The following INPP5F variants were observed in gnomAD, a reference collection of about 807,000 sequenced individuals.
The protein encoded by INPP5F is inositol polyphosphate-5-phosphatase F, also known as phosphatidylinositide 4-phosphatase SAC2.
Under a neutral mutation model 137.2 loss-of-function variants are expected in INPP5F, and 97 were observed. The observed-to-expected ratio is 0.71, with a 90% confidence interval of 0.60 to 0.84. INPP5F has a LOEUF of 0.84. Ranked by LOEUF, INPP5F falls within the 40% of genes least tolerant of loss-of-function variation. INPP5F has a pLI of 0.00. For synonymous variants in INPP5F, 504 were observed against 476.9 expected, an observed-to-expected ratio of 1.06 and a Z score of -0.74; for missense variants, 1,271 against 1,371.9, an observed-to-expected ratio of 0.93 and a Z score of 1.16.
At chr10:119,743,289 CTATCCATTTGGG>C (rs367856195) in intron 1 of INPP5F, among the ~76,000 whole-genome samples, 26 of 152,226 alleles carry the variant, frequency 1.7e-4, no homozygotes, top group African/African-American at 6.3e-4. Context: ...ATATGTTTAC[CTATCCATTTGGG>C]AGCCTTCTGT....
At chr10:119,768,831 A>G (rs1268107935) in intron 2 of INPP5F, among the ~76,000 whole-genome samples, 6 of 152,272 alleles carry the variant, frequency 3.9e-5, no homozygotes, top group Non-Finnish European at 8.8e-5. Flanking sequence ...TTATAGAGAT[A>G]AACTGGAAAG....
At chr10:119,811,682 C>A in intron 14 of INPP5F, 75 bp from the exon 15 acceptor site, 3 of 1,202,014 alleles carry the variant, frequency 2.5e-6, no homozygotes, top group Admixed American at 2.1e-5. Context: ...AGTTTTAGGT[C>A]TTACATTCTC....
At position 119,793,837 on chromosome 10, in the gene INPP5F, G is replaced by T. The variant is rs1307132252; in HGVS notation, c.669+1624G>T. Among the ~76,000 whole-genome samples the T allele has an allele frequency of 2.0e-5, 3 of 152,000 alleles. No individual in the cohort carries two copies. The South Asian group carries it at 6.2e-4, about 32-fold the overall frequency. ...TTTTTGTATTTTTAGTAGAGACGGG[G>T]TTTCACCATGTTGGCCAGGCTGGTC... On this transcript the variant is annotated intron_variant, in intron 6 of 19. Transcript: ENST00000650623.
chr10:119,728,465 C>T (rs908522619), intron 1 of INPP5F, among the ~76,000 whole-genome samples: 1 of 152,150 alleles, frequency 6.6e-6, no homozygotes, highest in African/African-American at 2.4e-5. Context: ...TTCCCCTGTG[C>T]TTTTATGGCA....
intron 2 of INPP5F, among the ~76,000 whole-genome samples, chr10:119,760,411 A>G (rs1444802083): frequency 1.3e-5 from 2 of 152,168 alleles, no homozygotes; most frequent in Non-Finnish European, 2.9e-5. Context: ...GTGAATAGAC[A>G]CTGCACTCCA....
chr10:119,814,842 G>C (rs770357288), intron 15 of INPP5F, among the ~76,000 whole-genome samples: 5 of 152,128 alleles, frequency 3.3e-5, no homozygotes, highest in African/African-American at 1.2e-4. Flanking sequence ...CCTTTTAGTT[G>C]TATGTTTGTT....
intron 2 of INPP5F, among the ~76,000 whole-genome samples, chr10:119,757,270 G>A (rs1848875773): frequency 6.6e-6 from 1 of 151,538 alleles, no homozygotes; most frequent in African/African-American, 2.4e-5. Flanking sequence ...ATTTCCCCAT[G>A]TTGGCCAGAC....
intron 2 of INPP5F, among the ~76,000 whole-genome samples, chr10:119,753,018 T>C (rs1324829320): frequency 2.0e-5 from 3 of 152,106 alleles, no homozygotes; most frequent in Non-Finnish European, 4.4e-5. Context: ...TTTGGTAGGT[T>C]TTTAAAAAAA....
chr10:119,747,484 G>T (rs1848570761), intron 1 of INPP5F, among the ~76,000 whole-genome samples: 1 of 152,098 alleles, frequency 6.6e-6, no homozygotes, highest in Non-Finnish European at 1.5e-5. Context: ...CTCCCAAAGT[G>T]TTGGGGTTAC....
chr10:119,727,779 C>T (rs1409228498), intron 1 of INPP5F, among the ~76,000 whole-genome samples: 1 of 152,168 alleles, frequency 6.6e-6, no homozygotes, highest in Non-Finnish European at 1.5e-5. Flanking sequence ...CTAATTTTGG[C>T]CAGTCTTCTG....
chr10:119,798,561 C>T lies in INPP5F; in HGVS notation c.1067C>T (p.Ala356Val), dbSNP rs141370318. The change falls in exon 9 of 20, where the codon GCC becomes GTC. Residue 356 changes from alanine to valine, a missense_variant. Ala to Val is a moderately conservative substitution (Grantham distance 64). Coordinates refer to ENST00000650623, the MANE Select transcript of INPP5F (RefSeq NM_014937.4). ...RLDRSEKETVAYFCAHFEEQL... is the reference protein window; with the variant it reads ...RLDRSEKETVVYFCAHFEEQL... ...TTTGTAGGTGAAAAGGAAACTGTTG[C>T]CTATTTCTGTGCCCATTTCGAAGAA... The T allele has an allele frequency of 1.2e-4, 197 of 1,612,076 alleles. No individual in the cohort carries two copies. The highest frequency in any genetic ancestry group is 1.6e-4 in the Non-Finnish European group (192 of 1,179,006).
intron 19 of INPP5F, among the ~76,000 whole-genome samples, chr10:119,825,134 C>T (rs1851709406): frequency 1.3e-5 from 2 of 152,184 alleles, no homozygotes; most frequent in African/African-American, 4.8e-5. Flanking sequence ...TGGCACACAG[C>T]TATTAAACTC....
At chr10:119,747,669 C>T (rs1052458145) in intron 1 of INPP5F, among the ~76,000 whole-genome samples, 7 of 152,060 alleles carry the variant, frequency 4.6e-5, no homozygotes, top group African/African-American at 1.7e-4. Flanking sequence ...ATTTAATTCC[C>T]AGGAATCTAT....
chr10:119,754,571 T>A (rs1299696360), intron 2 of INPP5F, among the ~76,000 whole-genome samples: 1 of 152,180 alleles, frequency 6.6e-6, no homozygotes, highest in Non-Finnish European at 1.5e-5. Context: ...CTCTTAATTT[T>A]TCATTCTCCT....
rs762428374 is a variant in INPP5F at position 119,827,356 on chromosome 10, CCAAT to C, written c.2979_2982del (p.Asn993LysfsTer21). On this transcript the variant is annotated frameshift_variant, in exon 20 of 20. Transcript: ENST00000650623. LOFTEE classifies it high-confidence loss of function. ...GCTAGTCAGGAAAGAAATCAAATGA[CCAAT>C]CAAGTTTCAAATGAAACCCAATCAG... The C allele has an allele frequency of 2.5e-5, 40 of 1,614,074 alleles. No individual in the cohort carries two copies. Among genetic ancestry groups the C allele is most frequent in the Non-Finnish European group, 2.9e-5 (34 of 1,180,024 alleles).
At position 119,739,001 on chromosome 10, in the gene INPP5F, G is replaced by A. The variant is rs114868379; in HGVS notation, c.98-12075G>A. Among the ~76,000 whole-genome samples the A allele has an allele frequency of 2.4e-3, 344 of 145,520 alleles. 3 individuals carry two copies. Among genetic ancestry groups the A allele is most frequent in the African/African-American group, 8.5e-3 (330 of 38,934 alleles). On this transcript the variant is annotated intron_variant, in intron 1 of 19. Transcript: ENST00000650623. ...GTTTGAGACCAGGCTGGGCAATATA[G>A]ATAGACCTTATCTCTACTAAGAAAA...
In INPP5F at chr10:119,827,867, C is replaced by A. The variant is rs563618573; in HGVS notation, c.*87C>A. 5.0e-6 allele frequency: 5 copies of A among 996,056 alleles called. No homozygotes were observed. The highest frequency in any genetic ancestry group is 4.9e-5 in the African/African-American group (3 of 61,284). The allele number at this position is 996,056 out of a possible 1,614,324, so 61.7% of individuals were successfully genotyped here. A position where few individuals can be genotyped will look rare whatever the true frequency, so the allele number is the denominator to read the frequency against. ...GGGTATTTTAATTGTACTGTCTGAA[C>A]CCAGGGATCACAAATTCTGTTCATT... On this transcript the variant is annotated 3_prime_UTR_variant, in exon 20 of 20. Transcript: ENST00000650623.
chr10:119,756,633 C>CA (rs751918628), intron 2 of INPP5F, among the ~76,000 whole-genome samples: 8 of 151,210 alleles, frequency 5.3e-5, no homozygotes, highest in Non-Finnish European at 7.4e-5. Context: ...AAGACTCTGT[C>CA]AAAAAAACAA....
chr10:119,750,268 A>G (rs1056116222), intron 1 of INPP5F, among the ~76,000 whole-genome samples: 1 of 152,246 alleles, frequency 6.6e-6, no homozygotes, highest in Non-Finnish European at 1.5e-5. Flanking sequence ...TTTTCTGCCA[A>G]GACAAATATT....
Sources: gnomAD v4.1 joint callset for allele counts (sites outside exome capture counted in the v4.1 genomes callset) on GRCh38, gnomAD v4.1.1 for gene constraint, MANE v1.5 for transcripts, NCBI Gene and HGNC (gene_info 2026-07-23, HGNC 2026-07-21) for gene names.